GHDC: variants seen among roughly 807,000 people sequenced by gnomAD.
The protein encoded by GHDC is GH3 domain-containing protein.
A neutral mutation model predicts 51.5 loss-of-function variants in GHDC; 39 were observed. The ratio of observed to expected loss-of-function variants is 0.76; its 90% CI spans 0.59 to 0.99. GHDC has a LOEUF of 0.99. Among genes scored for constraint, GHDC ranks in the 50% least tolerant of loss-of-function variants. GHDC has a pLI of 0.00. For synonymous variants in GHDC, 282 were observed against 305.2 expected, an observed-to-expected ratio of 0.92 and a Z score of 0.79; for missense variants, 610 against 672.8, an observed-to-expected ratio of 0.91 and a Z score of 1.03.
intron 2 of GHDC, 26 bp from the exon 3 acceptor site, chr17:42,193,620 TG>T: frequency 6.6e-7 from 1 of 1,508,300 alleles, no homozygotes. Context: ...AACCGAGATA[TG>T]GGGGCATGCA....
At position 42,192,423 on chromosome 17, in the gene GHDC, C is replaced by T. The variant is rs201683679; in HGVS notation, c.707G>A (p.Arg236Gln). 2.3e-5 allele frequency: 37 copies of T among 1,613,250 alleles called. No homozygotes were observed. The highest frequency in any genetic ancestry group is 4.5e-5 in the East Asian group (2 of 44,892). ...TAGGGCCTCCCGGAGCTCAGCTGCC[C>T]GTTCACGGAGAGGCGCTCCAGGGTT... ...AGNPGAPLRE[R>Q]AAELREALEQ... is the part of the protein sequence containing the mutation. Residue 236 changes from arginine (R) to glutamine (Q), a missense_variant, in exon 5 of 10, where the codon CGG becomes CAG. By Grantham distance (43) the Arg-to-Gln change is conservative. Coordinates refer to ENST00000587427, the MANE Select transcript of GHDC (RefSeq NM_032484.5).
chr17:42,192,410 G>A lies in GHDC; in HGVS notation c.720C>T (p.Leu240=). 2 of 1,613,044 alleles carry A rather than the reference G, an allele frequency of 1.2e-6. No homozygotes were observed. Among genetic ancestry groups the A allele is most frequent in the Non-Finnish European group, 1.7e-6 (2 of 1,179,984 alleles). The change falls in exon 5 of 10, where the codon CTC becomes CTT. Residue 240 remains leucine (L), a synonymous_variant. Coordinates refer to ENST00000587427, the MANE Select transcript of GHDC (RefSeq NM_032484.5). The part of the protein sequence containing the change: ...GAPLRERAAE[L]REALEQGPRG... ...GTGGCCCCTGCTCTAGGGCCTCCCGGAGCTCAGCTGCCCGTTCACGGAGAG... is the reference window on the plus strand; with the variant it reads ...GTGGCCCCTGCTCTAGGGCCTCCCGAAGCTCAGCTGCCCGTTCACGGAGAG...
At chr17:42,193,250 T>TGA (rs2079983774) in intron 3 of GHDC, 67 bp downstream of exon 3, 5 of 1,522,454 alleles carry the variant, frequency 3.3e-6, no homozygotes, top group Non-Finnish European at 4.4e-6. Context: ...CATCAGGCTC[T>TGA]GGAATCTGAC....
rs1178497216 is a variant in GHDC, at chr17:42,189,801, G to A, written c.1495C>T (p.Leu499Phe). Residue 499 changes from leucine to phenylalanine, a missense_variant, in exon 10 of 10, where the codon CTC becomes TTC. By Grantham distance (22) the Leu-to-Phe change is conservative (BLOSUM62 0). Transcript: ENST00000587427. ...QGAFRALRAALAACPSSPFPP... is the reference protein window; with the variant it reads ...QGAFRALRAAFAACPSSPFPP... ...AAGGGGGAGGAGGGGCAGGCAGCGA[G>A]GGCTGCCCGGAGTGCTCGGAAGGCT... The A allele has an allele frequency of 9.7e-6, 15 of 1,553,442 alleles. No homozygotes were observed. The highest frequency in any genetic ancestry group is 2.4e-5 in the East Asian group (1 of 42,256).
Position 42,192,570 on chromosome 17 carries a change from A to G in GHDC, c.560T>C (p.Leu187Pro). 1 of 1,613,768 alleles carries G rather than the reference A, an allele frequency of 6.2e-7. No individual in the cohort carries two copies. Among genetic ancestry groups the G allele is most frequent in the Non-Finnish European group, 8.5e-7 (1 of 1,180,024 alleles). Residue 187 changes from leucine to proline, a missense_variant, in exon 5 of 10, where the codon CTG (leucine) becomes CCG (proline). Leu to Pro is a moderately conservative substitution (Grantham distance 98). This residue lies in a region of GHDC where 198 missense variants were observed against 262.3 expected (regional missense o/e 0.75). Coordinates refer to ENST00000587427, the MANE Select transcript of GHDC (RefSeq NM_032484.5). Reference protein sequence around the residue: ...PGTKDPRALLLDALRSPGLRA... With the variant: ...PGTKDPRALLPDALRSPGLRA... ...CAGCCCTGGGGACCTCAGTGCGTCC[A>G]GCAGCAGGGCCCTAGGGTCCTTGGT...
intron 3 of GHDC, 103 bp downstream of exon 3, chr17:42,193,214 G>C: frequency 1.3e-6 from 2 of 1,508,854 alleles, no homozygotes; most frequent in Non-Finnish European, 1.8e-6. Flanking sequence ...AGGCCACTCC[G>C]TTGGCAGTGG....
intron 5 of GHDC, among the ~76,000 whole-genome samples, chr17:42,191,875 G>A (rs181278270): frequency 7.5e-5 from 11 of 146,526 alleles, no homozygotes; most frequent in Admixed American, 2.1e-4. Flanking sequence ...CAATCCTCCC[G>A]CCTCAGCCTC....
chr17:42,193,012 C>A lies in GHDC; in HGVS notation c.281G>T (p.Arg94Leu), dbSNP rs149568450. The stretch of plus-strand genomic sequence containing the variant: ...GGCCTTGGTCAGAGGGAGATGATTC[C>A]GGAAGGTGCTTATGTCTATAGCCCC... Reference protein sequence around the residue: ...LRRSTDISTFRNHLPLTKASQ... With the variant: ...LRRSTDISTFLNHLPLTKASQ... Residue 94 changes from arginine to leucine, a missense_variant, in exon 4 of 10, where the codon CGG becomes CTG. This residue lies in a region of GHDC where 198 missense variants were observed against 262.3 expected (regional missense o/e 0.75). Transcript: ENST00000587427. 7.1e-4 allele frequency: 1,153 copies of A among 1,614,088 alleles called. 2 individuals carry two copies. The highest frequency in any genetic ancestry group is 5.9e-4 in the Non-Finnish European group (693 of 1,180,022).
In GHDC at chr17:42,189,169, C is replaced by T. The variant is rs1239137711; in HGVS notation, c.*534G>A. 5.0e-6 allele frequency: 2 copies of T among 398,424 alleles called. No homozygotes were observed. Among genetic ancestry groups the T allele is most frequent in the African/African-American group, 2.1e-5 (1 of 48,610 alleles). The allele number at this position is 398,424 out of a possible 1,614,324, so 24.7% of individuals were successfully genotyped here. A position where few individuals can be genotyped will look rare whatever the true frequency, so the allele number is the denominator to read the frequency against. On this transcript the variant is annotated 3_prime_UTR_variant, in exon 10 of 10. Coordinates refer to ENST00000587427, the MANE Select transcript of GHDC (RefSeq NM_032484.5). ...GGGAAGAGAGGGAAGGGAGAGCCCC[C>T]GCAGGAAGTACATGAATGAGTGGGT...
chr17:42,189,776 A>G lies in GHDC; in HGVS notation c.1520T>C (p.Phe507Ser), dbSNP rs2079952986. 1.3e-6 allele frequency: 2 copies of G among 1,537,450 alleles called. No homozygotes were observed. The highest frequency in any genetic ancestry group is 1.8e-6 in the Non-Finnish European group (2 of 1,141,802). ...AAGGACCCGGGGCATCGCAGGGGGG[A>G]AGGGGGAGGAGGGGCAGGCAGCGAG... is the stretch of plus-strand genomic sequence containing the variant. ...AALAACPSSP[F>S]PPAMPRVLRH... Residue 507 changes from phenylalanine (F) to serine (S), a missense_variant, in exon 10 of 10, where the codon TTC becomes TCC. Coordinates refer to ENST00000587427, the MANE Select transcript of GHDC (RefSeq NM_032484.5).
chr17:42,194,040 C>T (rs2079990156), intron 1 of GHDC, 190 bp from the exon 2 acceptor site: 3 of 159,334 alleles, frequency 1.9e-5, no homozygotes, highest in African/African-American at 7.2e-5. Flanking sequence ...AAAACTAGCC[C>T]AGCGTGGTGT....
At position 42,193,454 on chromosome 17, in the gene GHDC, G is replaced by GC; in HGVS notation, c.127dup (p.Ala43GlyfsTer141). On this transcript the variant is annotated frameshift_variant, in exon 3 of 10. Coordinates refer to ENST00000587427, the MANE Select transcript of GHDC (RefSeq NM_032484.5). LOFTEE classifies it high-confidence loss of function. ...CTGCCAGGTGGCTGCCCAGACCAGG[G>GC]CCCCCCATGCCACTCGGTGCTGGAG... 1 of 1,553,298 alleles carries GC rather than the reference G, an allele frequency of 6.4e-7. No individual in the cohort carries two copies. The highest frequency in any genetic ancestry group is 1.2e-5 in the South Asian group (1 of 84,246).
Position 42,189,597 on chromosome 17 carries a change from G to T in GHDC, c.*106C>A. ...CGGCTCTCATGGGCAAATGTCAGGT[G>T]ACACAGAGTCAGAGACCCTGGCCAA... On this transcript the variant is annotated 3_prime_UTR_variant, in exon 10 of 10. Coordinates refer to ENST00000587427, the MANE Select transcript of GHDC (RefSeq NM_032484.5). 1 of 554,452 alleles carries T rather than the reference G, an allele frequency of 1.8e-6. No homozygotes were observed. Among genetic ancestry groups the T allele is most frequent in the South Asian group, 3.1e-5 (1 of 31,784 alleles). 34.3% of individuals were successfully genotyped at this position (554,452 alleles called of 1,614,324 possible). A position where few individuals can be genotyped will look rare whatever the true frequency, so the allele number is the denominator to read the frequency against.
At position 42,190,608 on chromosome 17, in the gene GHDC, C is replaced by A; in HGVS notation, c.1288+16G>T. The A allele has an allele frequency of 6.2e-7, 1 of 1,605,438 alleles. No homozygotes were observed. The highest frequency in any genetic ancestry group is 2.2e-5 in the East Asian group (1 of 44,730). ...TAGCTCAAGGATGGTAGGCAGGAGC[C>A]GGTGGGGAGGCTCACCCAGAATGCT... On this transcript the variant is annotated intron_variant, in intron 8 of 9. Coordinates refer to ENST00000587427, the MANE Select transcript of GHDC (RefSeq NM_032484.5).
rs1025789067 is a variant in GHDC at position 42,190,963 on chromosome 17, G to C, written c.1082+55C>G. The C allele has an allele frequency of 3.8e-6, 6 of 1,574,270 alleles. No individual in the cohort carries two copies. In the African/African-American group the frequency reaches 6.8e-5, roughly 18 times the overall value. ...AAGGTCTTCTGAGCTCATGCCCCAG[G>C]CCCCCAGCACGGTCCCATAGGGCCC... is the stretch of plus-strand genomic sequence containing the variant. On this transcript the variant is annotated intron_variant, in intron 6 of 9. Transcript: ENST00000587427.
Position 42,192,102 on chromosome 17 carries a change from T to C in GHDC, c.889+139A>G, listed in dbSNP as rs1196054852. On this transcript the variant is annotated intron_variant, in intron 5 of 9. Transcript: ENST00000587427. ...TAGAGAGCCTGAATTTCTTCACTTG[T>C]AAAAGGAGGCTGCTGGCCCTAGCAT... is the stretch of plus-strand genomic sequence containing the variant. 5 of 1,151,080 alleles carry C rather than the reference T, an allele frequency of 4.3e-6. No individual in the cohort carries two copies. In the Admixed American group the frequency reaches 1.3e-4, roughly 30 times the overall value. 71.3% of individuals were successfully genotyped at this position (1,151,080 alleles called of 1,614,324 possible). A position where few individuals can be genotyped will look rare whatever the true frequency, so the allele number is the denominator to read the frequency against.
intron 4 of GHDC, 37 bp downstream of exon 4, chr17:42,192,869 C>T: frequency 6.2e-7 from 1 of 1,608,636 alleles, no homozygotes; most frequent in Non-Finnish European, 8.5e-7. Context: ...TGGGACTGGG[C>T]TGTGGCCAGG....
rs906560678 is a variant in GHDC, at chr17:42,194,442, G to A, written c.-147C>T. Reference sequence around the variant, plus strand: ...TCCTGGCACGTGACGGAGACCCCTGGGTGACTCTGGGTCTCAGCACACATC... The same window carrying A: ...TCCTGGCACGTGACGGAGACCCCTGAGTGACTCTGGGTCTCAGCACACATC... On this transcript the variant is annotated 5_prime_UTR_variant, in exon 1 of 10. Coordinates refer to ENST00000587427, the MANE Select transcript of GHDC (RefSeq NM_032484.5). 13 of 152,420 alleles carry A rather than the reference G, an allele frequency of 8.5e-5. No individual in the cohort carries two copies. The highest frequency in any genetic ancestry group is 8.5e-4 in the Admixed American group (13 of 15,276). 9.4% of individuals were successfully genotyped at this position (152,420 alleles called of 1,614,324 possible).
rs575974307 is a variant in GHDC at position 42,194,426 on chromosome 17, G to A, written c.-131C>T. On this transcript the variant is annotated 5_prime_UTR_variant, in exon 1 of 10. The change creates a new upstream start codon in the 5' untranslated region. Coordinates refer to ENST00000587427, the MANE Select transcript of GHDC (RefSeq NM_032484.5). ...GCCCACTTCTGCCTACTCCTGGCAC[G>A]TGACGGAGACCCCTGGGTGACTCTG... 6.6e-6 allele frequency: 1 copy of A among 152,370 alleles called. No homozygotes were observed. Among genetic ancestry groups the A allele is most frequent in the African/African-American group, 2.4e-5 (1 of 41,432 alleles). 9.4% of individuals were successfully genotyped at this position (152,370 alleles called of 1,614,324 possible). A position where few individuals can be genotyped will look rare whatever the true frequency, so the allele number is the denominator to read the frequency against.
Sources: allele counts gnomAD v4.1 joint callset (sites outside exome capture counted in the v4.1 genomes callset), GRCh38; gene constraint gnomAD v4.1.1; regional missense constraint gnomAD v4.1.1; transcripts MANE v1.5; gene names NCBI Gene and HGNC (gene_info 2026-07-23, HGNC 2026-07-21).